Variants in MACROD2 observed in about 807,000 individuals in gnomAD.
MACROD2 encodes the protein ADP-ribose glycohydrolase MACROD2.
MACROD2 carries 36 observed loss-of-function variants against 70.4 expected under a neutral mutation model. The ratio of observed to expected loss-of-function variants is 0.51; its 90% confidence interval spans 0.39 to 0.68. MACROD2 has a LOEUF of 0.68. Ranked by LOEUF, MACROD2 falls within the 30% of genes least tolerant of loss-of-function variation. MACROD2 has a pLI of 0.00. For synonymous variants in MACROD2, 172 were observed against 178.8 expected (o/e 0.96, Z 0.30); for missense variants, 496 against 538.4 (o/e 0.92, Z 0.78).
At chr20:15,801,967 T>C (rs2063730473) in intron 8 of MACROD2, among the ~76,000 whole-genome samples, 1 of 152,180 alleles carries the variant, frequency 6.6e-6, no homozygotes, top group Non-Finnish European at 1.5e-5. Context: ...TTGGCTATTA[T>C]AAATTGAATT....
chr20:15,523,790 G>C (rs947604958), intron 8 of MACROD2, among the ~76,000 whole-genome samples: 9 of 152,128 alleles, frequency 5.9e-5, no homozygotes, highest in African/African-American at 2.2e-4. Context: ...ATAGAGAGGT[G>C]GTTTCCATGA....
chr20:15,896,809 A>C (rs140741760), intron 10 of MACROD2, among the ~76,000 whole-genome samples: 133 of 152,244 alleles, frequency 8.7e-4, no homozygotes, highest in African/African-American at 3.0e-3. Flanking sequence ...ACTGCTGTGT[A>C]CTTTGGTTTC....
intron 5 of MACROD2, among the ~76,000 whole-genome samples, chr20:14,963,812 A>G (rs1340188941): frequency 6.6e-6 from 1 of 152,160 alleles, no homozygotes; most frequent in Non-Finnish European, 1.5e-5. Context: ...GGATCCTCAA[A>G]TCTTATAGCA....
At position 15,837,743 on chromosome 20, in the gene MACROD2, A is replaced by G. The variant is rs190115070; in HGVS notation, c.646-25002A>G. Among the ~76,000 whole-genome samples the G allele has an allele frequency of 2.0e-5, 3 of 152,260 alleles. No individual in the cohort carries two copies. The East Asian group carries it at 5.8e-4, about 29-fold the overall frequency. ...AGCTGCTTCTGACCACAGACACCTT[A>G]GGTTCCTCTTGGTTACAAAAGCTGT... On this transcript the variant is annotated intron_variant, in intron 8 of 17. Transcript: ENST00000684519.
At chr20:14,046,739 AT>A in intron 2 of MACROD2, among the ~76,000 whole-genome samples, 1 of 150,886 alleles carries the variant, frequency 6.6e-6, no homozygotes, top group South Asian at 2.1e-4. Flanking sequence ...TTATTTATTT[AT>A]TTATTTATTT....
intron 7 of MACROD2, among the ~76,000 whole-genome samples, chr20:15,489,580 T>C (rs2146470369): frequency 6.6e-6 from 1 of 152,330 alleles, no homozygotes; most frequent in African/African-American, 2.4e-5. Flanking sequence ...TGCTGTCACC[T>C]GAGAAAGAGG....
intron 5 of MACROD2, among the ~76,000 whole-genome samples, chr20:14,807,269 T>G (rs2072651021): frequency 6.6e-6 from 1 of 152,152 alleles, no homozygotes; most frequent in African/African-American, 2.4e-5. Flanking sequence ...TTTACTGTTC[T>G]GCAGCCTCTG....
chr20:15,264,021 G>A (rs2077271331), intron 6 of MACROD2, among the ~76,000 whole-genome samples: 1 of 151,910 alleles, frequency 6.6e-6, no homozygotes, highest in Non-Finnish European at 1.5e-5. Flanking sequence ...GCCCCATCAG[G>A]ACTTTTTAAA....
intron 4 of MACROD2, among the ~76,000 whole-genome samples, chr20:14,578,194 G>T (rs1014954504): frequency 1.3e-5 from 2 of 151,028 alleles, no homozygotes; most frequent in Admixed American, 1.3e-4. Flanking sequence ...ATCAATGGCA[G>T]GTTTTCTTTT....
At chr20:15,677,246 C>G (rs980930974) in intron 8 of MACROD2, among the ~76,000 whole-genome samples, 5 of 152,112 alleles carry the variant, frequency 3.3e-5, no homozygotes, top group African/African-American at 7.2e-5. Flanking sequence ...CCTAGATAAG[C>G]AAGATCTTTT....
intron 8 of MACROD2, among the ~76,000 whole-genome samples, chr20:15,531,000 C>CTT (rs10676355): frequency 0.082 from 11,017 of 134,562 alleles, 1,404 homozygotes; most frequent in African/African-American, 0.27. Context: ...AATAACTTCG[C>CTT]TTTTTTTTTT....
At chr20:14,824,995 T>C (rs1239244117) in intron 5 of MACROD2, among the ~76,000 whole-genome samples, 1 of 152,050 alleles carries the variant, frequency 6.6e-6, no homozygotes, top group Non-Finnish European at 1.5e-5. Context: ...GTTACAAAGG[T>C]CCTGTGGTGA....
intron 8 of MACROD2, among the ~76,000 whole-genome samples, chr20:15,584,594 ATTG>A (rs2048570802): frequency 6.6e-6 from 1 of 152,332 alleles, no homozygotes; most frequent in South Asian, 2.1e-4. Flanking sequence ...GAAGAGTTCT[ATTG>A]TTGTTTTCAA....
At chr20:14,312,879 T>C (rs1056085039) in intron 3 of MACROD2, among the ~76,000 whole-genome samples, 2 of 152,210 alleles carry the variant, frequency 1.3e-5, no homozygotes, top group Admixed American at 1.3e-4. Context: ...AGAACTCTTT[T>C]CACAACCACT....
chr20:14,241,378 ATTGGTG>A (rs1472404937), intron 3 of MACROD2, among the ~76,000 whole-genome samples: 2 of 152,158 alleles, frequency 1.3e-5, no homozygotes, highest in African/African-American at 4.8e-5. Context: ...TTTCATTCAG[ATTGGTG>A]TGTGATTTTT....
At chr20:14,662,040 T>A (rs1333649759) in intron 4 of MACROD2, among the ~76,000 whole-genome samples, 1 of 152,100 alleles carries the variant, frequency 6.6e-6, no homozygotes, top group Non-Finnish European at 1.5e-5. Context: ...CAAACTTAAG[T>A]ACATTTTAGT....
intron 5 of MACROD2, among the ~76,000 whole-genome samples, chr20:15,054,564 A>C (rs969568194): frequency 6.6e-6 from 1 of 152,194 alleles, no homozygotes. Flanking sequence ...AATCAGCTAC[A>C]GTATACTACA....
At chr20:14,215,331 C>CAT (rs59557340) in intron 3 of MACROD2, among the ~76,000 whole-genome samples, 283 of 114,262 alleles carry the variant, frequency 2.5e-3, no homozygotes, top group Non-Finnish European at 3.7e-3. Context: ...TCTATGCCAT[C>CAT]ATATATACAC....
intron 3 of MACROD2, chr20:14,327,070 T>A: frequency 6.2e-7 from 1 of 1,613,758 alleles, no homozygotes; most frequent in Non-Finnish European, 8.5e-7. Flanking sequence ...TGCTCCCTCT[T>A]CTATGCTAAC....
Sources: gnomAD v4.1 joint callset for allele counts (sites outside exome capture counted in the v4.1 genomes callset) on GRCh38, gnomAD v4.1.1 for gene constraint, MANE v1.5 for transcripts, NCBI Gene and HGNC (gene_info 2026-07-23, HGNC 2026-07-21) for gene names.